The following STK32C variants were observed in gnomAD, a reference collection of about 807,000 sequenced individuals.
The protein encoded by STK32C is serine/threonine kinase 32C.
A neutral mutation model predicts 56.5 loss-of-function variants in STK32C; 31 were observed. That is an observed-to-expected ratio of 0.55 (90% CI 0.41 to 0.74). STK32C has a LOEUF of 0.74. Among genes scored for constraint, STK32C ranks in the 30% least tolerant of loss-of-function variants. STK32C has a pLI of 0.00. For synonymous variants in STK32C, 309 were observed against 289.4 expected (o/e 1.07, Z -0.69); for missense variants, 544 against 676.9 (o/e 0.80, Z 2.18).
intron 1 of STK32C, chr10:132,330,428 G>A: frequency 1.4e-6 from 1 of 717,174 alleles, no homozygotes; most frequent in Non-Finnish European, 2.6e-6. Context: ...TCCTTGCTCT[G>A]CCCGGGTGGC....
chr10:132,303,463 T>C (rs535457516), intron 1 of STK32C, among the ~76,000 whole-genome samples: 8 of 151,902 alleles, frequency 5.3e-5, no homozygotes, highest in South Asian at 4.2e-4. Flanking sequence ...AACACATCCA[T>C]AGAGAAAAAA....
chr10:132,269,136 CGT>C (rs1474551046), intron 1 of STK32C, among the ~76,000 whole-genome samples: 2 of 150,882 alleles, frequency 1.3e-5, no homozygotes, highest in African/African-American at 4.9e-5. Context: ...TGTACATGCA[CGT>C]GTCTGTTGGT....
At chr10:132,230,482 C>T (rs1016706032) in intron 2 of STK32C, among the ~76,000 whole-genome samples, 11 of 152,320 alleles carry the variant, frequency 7.2e-5, no homozygotes, top group Admixed American at 2.0e-4. Context: ...CTCCTGCAGA[C>T]GGTCACTGCA....
At chr10:132,308,000 G>A, upstream of STK32C, 3 of 967,842 alleles carry the variant, frequency 3.1e-6, no homozygotes, top group Non-Finnish European at 3.7e-6. The surrounding 1 kb of genome is among the most constrained non-coding windows in gnomAD (Gnocchi z 4.4). Context: ...GCGGGGCAGG[G>A]GCGGGGCTTC....
At chr10:132,331,978 C>T (rs1379332842), upstream of STK32C, 3 of 482,564 alleles carry the variant, frequency 6.2e-6, no homozygotes, top group East Asian at 1.1e-4. Context: ...CGCCCCCTCC[C>T]GGGCAGGCGC....
chr10:132,289,610 G>A (rs552098541), intron 1 of STK32C, among the ~76,000 whole-genome samples: 1 of 152,214 alleles, frequency 6.6e-6, no homozygotes, highest in African/African-American at 2.4e-5. Context: ...TAAAGGCTGG[G>A]AAGTGTAAGA....
chr10:132,216,538 G>A (rs1230284677), intron 10 of STK32C, among the ~76,000 whole-genome samples: 1 of 152,002 alleles, frequency 6.6e-6, no homozygotes. Flanking sequence ...AAGCAACAAG[G>A]AACTGAATAT....
At chr10:132,302,891 C>G (rs760890141) in intron 1 of STK32C, among the ~76,000 whole-genome samples, 1 of 152,276 alleles carries the variant, frequency 6.6e-6, no homozygotes, top group South Asian at 2.1e-4. Context: ...AAAACCATCA[C>G]GGGGCCACTA....
intron 2 of STK32C, among the ~76,000 whole-genome samples, chr10:132,233,830 G>A (rs1189521536): frequency 6.6e-6 from 1 of 152,212 alleles, no homozygotes; most frequent in Non-Finnish European, 1.5e-5. Flanking sequence ...CATTGCCGTG[G>A]GGCTAAGGCA....
chr10:132,258,688 C>T (rs989304462), intron 1 of STK32C, among the ~76,000 whole-genome samples: 9 of 152,238 alleles, frequency 5.9e-5, no homozygotes, highest in Non-Finnish European at 7.3e-5. Context: ...TCCACGCTGA[C>T]GCTGTGAGGG....
intron 1 of STK32C, among the ~76,000 whole-genome samples, chr10:132,246,751 A>C (rs1160955508): frequency 6.6e-6 from 1 of 152,108 alleles, no homozygotes; most frequent in African/African-American, 2.4e-5. Context: ...AACCCAGGAC[A>C]TTCTCCGTAC....
intron 1 of STK32C, among the ~76,000 whole-genome samples, chr10:132,288,370 T>C (rs2065473394): frequency 6.6e-6 from 1 of 152,236 alleles, no homozygotes; most frequent in African/African-American, 2.4e-5. Context: ...CATCAACATT[T>C]AAAACTTCTT....
At chr10:132,224,943 G>A (rs1198203871) in intron 7 of STK32C, among the ~76,000 whole-genome samples, 1 of 152,210 alleles carries the variant, frequency 6.6e-6, no homozygotes, top group Non-Finnish European at 1.5e-5. Flanking sequence ...TTTGTGGAAA[G>A]TTCCGAGGCA....
rs759394583 is a variant in STK32C, at chr10:132,226,872, G to A, written c.567C>T (p.Ser189=). The change falls in exon 4 of 12, where the codon TCC becomes TCT. Residue 189 remains serine, a synonymous_variant. Transcript: ENST00000298630. ...RYHLQQNVQF[S]EDTVRLYICE... is the part of the protein sequence containing the mutation. ...AGATGTACAGCCTCACCGTGTCCTCGGAGAACTGCACGTTCTGCTGCAGGT... is the reference window on the plus strand; with the variant it reads ...AGATGTACAGCCTCACCGTGTCCTCAGAGAACTGCACGTTCTGCTGCAGGT... The A allele has an allele frequency of 1.3e-5, 21 of 1,613,474 alleles. No individual in the cohort carries two copies. Among genetic ancestry groups the A allele is most frequent in the Admixed American group, 8.3e-5 (5 of 60,032 alleles).
intron 1 of STK32C, among the ~76,000 whole-genome samples, chr10:132,292,434 T>G (rs1463262645): frequency 2.0e-5 from 3 of 152,228 alleles, no homozygotes; most frequent in African/African-American, 4.8e-5. Context: ...ACACTCAGTC[T>G]GACGGATTCA....
intron 1 of STK32C, among the ~76,000 whole-genome samples, chr10:132,275,777 T>A (rs1456678628): frequency 1.3e-5 from 2 of 152,152 alleles, no homozygotes; most frequent in Non-Finnish European, 2.9e-5. Context: ...TCCCCTTCCA[T>A]TAGAGAAACT....
At chr10:132,253,512 G>A (rs1214895889) in intron 1 of STK32C, among the ~76,000 whole-genome samples, 1 of 105,314 alleles carries the variant, frequency 9.5e-6, no homozygotes, top group African/African-American at 3.5e-5. Context: ...GGAGCTGAGG[G>A]AGCTGAGGGA....
chr10:132,268,148 TGTGTGTGTGTCG>T (rs2064649276), intron 1 of STK32C, among the ~76,000 whole-genome samples: 1 of 144,918 alleles, frequency 6.9e-6, no homozygotes, highest in South Asian at 2.2e-4. Flanking sequence ...TCACATTGTG[TGTGTGTGTGTCG>T]GTGTGTGTGC....
chr10:132,249,124 G>A (rs755773300), intron 1 of STK32C: 46 of 459,102 alleles, frequency 1.0e-4, no homozygotes, highest in African/African-American at 8.2e-4. Flanking sequence ...CCGGGGCGGG[G>A]CTGTGGCGTC....
Sources: allele counts gnomAD v4.1 joint callset (sites outside exome capture counted in the v4.1 genomes callset), GRCh38; gene constraint gnomAD v4.1.1; non-coding constraint Gnocchi (gnomAD v3.1); transcripts MANE v1.5; gene names NCBI Gene and HGNC (gene_info 2026-07-23, HGNC 2026-07-21).